The following COG1 variants were observed in gnomAD, a reference collection of about 807,000 sequenced individuals.
COG1 encodes component of oligomeric golgi complex 1, also known as conserved oligomeric Golgi complex subunit 1.
Under a neutral mutation model 102.2 loss-of-function variants are expected in COG1, and 61 were observed. The ratio of observed to expected loss-of-function variants is 0.60; its 90% confidence interval spans 0.49 to 0.74. The LOEUF is 0.74. COG1 is among the 30% of genes least tolerant of loss of function. The pLI, the probability that COG1 is intolerant of heterozygous loss-of-function variation, is 0.00. For missense variants in COG1, 1,164 were observed against 1,232.1 expected (o/e 0.94, Z 0.83); for synonymous variants, 454 against 493.6 (o/e 0.92, Z 1.06).
intron 1 of COG1, among the ~76,000 whole-genome samples, chr17:73,193,937 A>C (rs970858478): frequency 6.6e-6 from 1 of 152,088 alleles, no homozygotes; most frequent in Non-Finnish European, 1.5e-5. Context: ...GGTCTCCCAA[A>C]GTGCTGGGAT....
Position 73,199,933 on chromosome 17 carries a change from A to G in COG1, c.982A>G (p.Ile328Val), listed in dbSNP as rs753327660. The G allele has an allele frequency of 3.7e-6, 6 of 1,614,230 alleles. No homozygotes were observed. In the East Asian group the frequency reaches 8.9e-5, roughly 24 times the overall value. Residue 328 changes from isoleucine (I) to valine (V), a missense_variant, in exon 5 of 14, where the codon ATC (isoleucine) becomes GTC (valine). Physicochemically the swap from Ile to Val is conservative, Grantham distance 29 (BLOSUM62 3). Transcript: ENST00000299886. ...CTGGTTTAAACACCTGCCAGCATCC[A>G]TCGTCGAGTTCCAGCCAACACTCCG... ...CSWFKHLPAS[I>V]VEFQPTLRTL...
intron 2 of COG1, 55 bp from the exon 3 acceptor site, chr17:73,196,845 C>T (rs2061327304): frequency 1.9e-6 from 3 of 1,613,576 alleles, no homozygotes; most frequent in Non-Finnish European, 2.5e-6. Flanking sequence ...TGTACCAAAG[C>T]TCTTTACCCA....
At chr17:73,203,845 C>G (rs1405537401) in intron 9 of COG1, 52 bp downstream of exon 9, 1 of 1,600,766 alleles carries the variant, frequency 6.2e-7, no homozygotes, top group Non-Finnish European at 8.6e-7. Flanking sequence ...CAAAAGAAAA[C>G]CTTAGCATTG....
At chr17:73,203,909 C>G in intron 9 of COG1, 116 bp downstream of exon 9, 2 of 1,188,830 alleles carry the variant, frequency 1.7e-6, no homozygotes, top group Non-Finnish European at 2.5e-6. Flanking sequence ...GATCACCCAG[C>G]CCAGGCATCG....
At chr17:73,197,431 C>A (rs1339375719) in intron 4 of COG1, 35 bp downstream of exon 4, 1 of 1,609,480 alleles carries the variant, frequency 6.2e-7, no homozygotes, top group South Asian at 1.1e-5. Flanking sequence ...AATTCTGGTT[C>A]ACTCAACTGA....
At position 73,193,165 on chromosome 17, in the gene COG1, G is replaced by A. The variant is rs143964203; in HGVS notation, c.96G>A (p.Gly32=). The A allele has an allele frequency of 4.0e-5, 64 of 1,608,158 alleles. No homozygotes were observed. In the African/African-American group the frequency reaches 7.9e-4, roughly 20 times the overall value. The change falls in exon 1 of 14, where the codon GGG becomes GGA. Residue 32 remains glycine (G), a synonymous_variant. Coordinates refer to ENST00000299886, the MANE Select transcript of COG1 (RefSeq NM_018714.3). ...CGCATGGAGCGGAGGAGATCCGCGG[G>A]CTGGAGCGCCAGGTTCGGGCCGAGA... ...FETHGAEEIR[G]LERQVRAEIE... is the part of the protein sequence containing the mutation.
intron 1 of COG1, 109 bp downstream of exon 1, chr17:73,193,493 C>T (rs973030713): frequency 8.9e-7 from 1 of 1,129,426 alleles, no homozygotes; most frequent in Non-Finnish European, 1.2e-6. Flanking sequence ...CGAGTCCTCA[C>T]CTTCCTTAGC....
chr17:73,201,228 T>G lies in COG1; in HGVS notation c.1401T>G (p.Phe467Leu). 6.2e-7 allele frequency: 1 copy of G among 1,614,148 alleles called. No homozygotes were observed. Among genetic ancestry groups the G allele is most frequent in the Non-Finnish European group, 8.5e-7 (1 of 1,180,032 alleles). Residue 467 changes from phenylalanine to leucine, a missense_variant, in exon 7 of 14, where the codon TTT becomes TTG. Transcript: ENST00000299886. ...CCCCTTCAAATAAGCACATCCACTTTGAGTACAACATGTCGCTCTTCCTCT... is the reference window on the plus strand; with the variant it reads ...CCCCTTCAAATAAGCACATCCACTTGGAGTACAACATGTCGCTCTTCCTCT... Reference protein sequence around the residue: ...SNSPSNKHIHFEYNMSLFLWS... With the variant: ...SNSPSNKHIHLEYNMSLFLWS...
rs143665454 is a variant in COG1 at position 73,201,778 on chromosome 17, A to C, written c.1951A>C (p.Lys651Gln). ...KPAREFRALR[K>Q]QGKVKTQEII... is the part of the protein sequence containing the mutation. ...AGCAAGGGAGTTTAGGGCTCTGAGA[A>C]AACAGGGAAAGGTGAAAACTCAGGA... The change falls in exon 7 of 14, where the codon AAA becomes CAA. Residue 651 changes from lysine to glutamine, a missense_variant. Transcript: ENST00000299886. 2 of 1,614,086 alleles carry C rather than the reference A, an allele frequency of 1.2e-6. No homozygotes were observed. The highest frequency in any genetic ancestry group is 2.7e-5 in the African/African-American group (2 of 74,940).
At chr17:73,193,734 T>A (rs959288097) in intron 1 of COG1, among the ~76,000 whole-genome samples, 4 of 152,182 alleles carry the variant, frequency 2.6e-5, no homozygotes, top group Middle Eastern at 3.2e-3. Context: ...CTATATAACA[T>A]GTCCTGACAT....
chr17:73,201,882 G>A lies in COG1; in HGVS notation c.2055G>A (p.Trp685Ter). 6.2e-7 allele frequency: 1 copy of A among 1,614,156 alleles called. No individual in the cohort carries two copies. Among genetic ancestry groups the A allele is most frequent in the Non-Finnish European group, 8.5e-7 (1 of 1,180,022 alleles). Residue 685 changes from tryptophan to a stop codon, truncating the protein, a stop_gained, in exon 7 of 14, where the codon TGG (tryptophan) becomes TGA (stop). Transcript: ENST00000299886. LOFTEE classifies it high-confidence loss of function. ...LQQSVMGYQVWSSAVVKVLIH... is the reference protein window; with the variant it reads ...LQQSVMGYQV ...AGAGCGTGATGGGCTACCAGGTCTG[G>A]AGCAGTGCAGTTGTGAAAGTGAGTG...
chr17:73,200,284 T>C (rs942786665), intron 5 of COG1, among the ~76,000 whole-genome samples: 12 of 152,378 alleles, frequency 7.9e-5, no homozygotes, highest in South Asian at 2.1e-4. Flanking sequence ...CTGCAACTCC[T>C]GTTTTTACTT....
chr17:73,203,580 G>A (rs2061355758), intron 8 of COG1, 52 bp from the exon 9 acceptor site: 7 of 1,603,552 alleles, frequency 4.4e-6, no homozygotes, highest in Non-Finnish European at 6.0e-6. Context: ...CTTTCACTGT[G>A]TGTCATTTAA....
rs750793225 is a variant in COG1, at chr17:73,201,418, G to C, written c.1591G>C (p.Asp531His). 6.2e-7 allele frequency: 1 copy of C among 1,614,202 alleles called. No individual in the cohort carries two copies. Among genetic ancestry groups the C allele is most frequent in the South Asian group, 1.1e-5 (1 of 91,086 alleles). Residue 531 changes from aspartate (D) to histidine (H), a missense_variant, in exon 7 of 14, where the codon GAC (aspartate) becomes CAC (histidine). Coordinates refer to ENST00000299886, the MANE Select transcript of COG1 (RefSeq NM_018714.3). Reference sequence around the variant, plus strand: ...TTCTAAGCTGAAGGTTAAACTAGATGACCTCCTGGCTTACCTCCCCTCTGA... The same window carrying C: ...TTCTAAGCTGAAGGTTAAACTAGATCACCTCCTGGCTTACCTCCCCTCTGA... ...LDSKLKVKLD[D>H]LLAYLPSDDS...
chr17:73,195,656 G>A (rs1034107820), intron 1 of COG1, among the ~76,000 whole-genome samples: 2 of 151,250 alleles, frequency 1.3e-5, no homozygotes, highest in African/African-American at 4.9e-5. Flanking sequence ...GCTCAGGCCT[G>A]TTATCCCAGC....
At chr17:73,200,358 G>A (rs2061341826) in intron 5 of COG1, among the ~76,000 whole-genome samples, 1 of 152,166 alleles carries the variant, frequency 6.6e-6, no homozygotes, top group Non-Finnish European at 1.5e-5. Context: ...GGGGAAGCAA[G>A]GGTAGGCCTG....
intron 13 of COG1, chr17:73,208,025 C>T (rs1372928511): frequency 7.5e-7 from 1 of 1,324,936 alleles, no homozygotes; most frequent in Non-Finnish European, 9.7e-7. Flanking sequence ...CTGCAGTGAT[C>T]TTTCAGTTCT....
rs2061353504 is a variant in COG1, at chr17:73,203,045, G to A, written c.2119G>A (p.Gly707Ser). ...FTQSLLLDDA[G>S]SVLATATSWD... ...CCAGTCATTACTTCTAGATGATGCT[G>A]GCTCAGTTCTGGCCACAGCCACCAG... Residue 707 changes from glycine to serine, a missense_variant, in exon 8 of 14, where the codon GGC becomes AGC. Transcript: ENST00000299886. 2 of 1,614,160 alleles carry A rather than the reference G, an allele frequency of 1.2e-6. No individual in the cohort carries two copies. Among genetic ancestry groups the A allele is most frequent in the Non-Finnish European group, 1.7e-6 (2 of 1,180,020 alleles).
chr17:73,194,152 A>ATTTTTTTTTTTTTTTTTTTTTTTTT (rs1257232460), intron 1 of COG1, among the ~76,000 whole-genome samples: 40 of 147,456 alleles, frequency 2.7e-4, no homozygotes, highest in African/African-American at 3.0e-4. Context: ...TTCCTAAAGA[A>ATTTTTTTTTTTTTTTTTTTTTTTTT]TTTTTATTGG....
Sources: allele counts gnomAD v4.1 joint callset (sites outside exome capture counted in the v4.1 genomes callset), GRCh38; gene constraint gnomAD v4.1.1; transcripts MANE v1.5; gene names NCBI Gene and HGNC (gene_info 2026-07-23, HGNC 2026-07-21).